The following TMEM132C variants were observed in gnomAD, a reference collection of about 807,000 sequenced individuals.
TMEM132C encodes transmembrane protein 132C, also known as protein phosphatase 1, regulatory subunit 152.
In TMEM132C, 29 loss-of-function variants were observed where a neutral mutation model predicts 61.4. The ratio of observed to expected loss-of-function variants is 0.47; its 90% CI spans 0.35 to 0.64. The LOEUF (loss-of-function observed/expected upper bound fraction) is 0.64. Among genes scored for constraint, TMEM132C ranks in the 30% least tolerant of loss-of-function variants. The pLI is 0.00. For synonymous variants in TMEM132C, 656 were observed against 633.1 expected (o/e 1.04, Z -0.54); for missense variants, 1,408 against 1,476.9 (o/e 0.95, Z 0.76).
At chr12:128,335,732 G>A (rs1006065352) in intron 1 of TMEM132C, among the ~76,000 whole-genome samples, 57 of 152,284 alleles carry the variant, frequency 3.7e-4, no homozygotes, top group African/African-American at 1.4e-3. Flanking sequence ...AGCCCCATGG[G>A]GTAGATACCT....
chr12:128,521,923 C>G (rs577994628), intron 2 of TMEM132C, among the ~76,000 whole-genome samples: 1 of 152,144 alleles, frequency 6.6e-6, no homozygotes, highest in Non-Finnish European at 1.5e-5. Context: ...ACTGCTTGGC[C>G]AGGGAGGTAA....
chr12:128,333,181 A>AGT (rs200162594), intron 1 of TMEM132C, among the ~76,000 whole-genome samples: 2 of 144,802 alleles, frequency 1.4e-5, no homozygotes, highest in African/African-American at 2.6e-5. Context: ...TGTGTGTGGG[A>AGT]GTGTGTGTGT....
At chr12:128,688,585 T>A (rs928179895) in intron 5 of TMEM132C, among the ~76,000 whole-genome samples, 1 of 152,128 alleles carries the variant, frequency 6.6e-6, no homozygotes, top group Non-Finnish European at 1.5e-5. Flanking sequence ...AAAAGAACAA[T>A]GAGTTATAGA....
intron 2 of TMEM132C, among the ~76,000 whole-genome samples, chr12:128,523,813 A>AGGG (rs1872990750): frequency 1.4e-5 from 2 of 144,988 alleles, no homozygotes; most frequent in African/African-American, 2.7e-5. Flanking sequence ...AAGCCCAGGA[A>AGGG]AAAAAAAAAA....
chr12:128,299,163 A>G (rs1871517121), intron 1 of TMEM132C, among the ~76,000 whole-genome samples: 2 of 152,128 alleles, frequency 1.3e-5, no homozygotes, highest in South Asian at 4.2e-4. Flanking sequence ...AAGGTGATAA[A>G]TTTTCTGAAA....
chr12:128,319,401 G>C (rs1872254204), intron 1 of TMEM132C, among the ~76,000 whole-genome samples: 1 of 151,592 alleles, frequency 6.6e-6, no homozygotes, highest in Non-Finnish European at 1.5e-5. Context: ...GTGTGTGTCT[G>C]TCTGTTGGGC....
At chr12:128,564,019 C>T (rs1874614231) in intron 3 of TMEM132C, among the ~76,000 whole-genome samples, 2 of 152,192 alleles carry the variant, frequency 1.3e-5, no homozygotes, top group Admixed American at 1.3e-4. Flanking sequence ...GTTCTGGAGG[C>T]TGTGAAGCCC....
At chr12:128,678,064 A>G (rs554764677) in intron 5 of TMEM132C, among the ~76,000 whole-genome samples, 2 of 152,332 alleles carry the variant, frequency 1.3e-5, no homozygotes, top group East Asian at 3.9e-4. Flanking sequence ...TTCTTTGGCA[A>G]CAGCCCTAAG....
chr12:128,381,750 C>T (rs75217022), intron 1 of TMEM132C, among the ~76,000 whole-genome samples: 20 of 152,272 alleles, frequency 1.3e-4, no homozygotes, highest in East Asian at 5.8e-4. Flanking sequence ...TTGAGGGGGA[C>T]GGCATCTGGC....
At chr12:128,437,445 C>T (rs1052097884) in intron 2 of TMEM132C, among the ~76,000 whole-genome samples, 1 of 152,162 alleles carries the variant, frequency 6.6e-6, no homozygotes, top group African/African-American at 2.4e-5. Flanking sequence ...TCTGTACTTA[C>T]CCAGGATGCC....
intron 1 of TMEM132C, among the ~76,000 whole-genome samples, chr12:128,281,520 C>T (rs1456823750): frequency 3.3e-5 from 5 of 152,150 alleles, no homozygotes; most frequent in Non-Finnish European, 2.9e-5. Context: ...ATCAAATGAC[C>T]TAATGTCTAT....
intron 1 of TMEM132C, among the ~76,000 whole-genome samples, chr12:128,269,204 G>A (rs999768569): frequency 1.3e-5 from 2 of 152,180 alleles, no homozygotes; most frequent in Non-Finnish European, 2.9e-5. Context: ...AAAGCACTTT[G>A]CAGAGGAAGG....
intron 2 of TMEM132C, among the ~76,000 whole-genome samples, chr12:128,464,385 G>C (rs1392805335): frequency 6.6e-6 from 1 of 152,176 alleles, no homozygotes; most frequent in Non-Finnish European, 1.5e-5. Context: ...CAGGTCCCCA[G>C]ACCTTAGCTG....
intron 4 of TMEM132C, among the ~76,000 whole-genome samples, chr12:128,622,360 A>AAATATATAT (rs1277080166): frequency 6.6e-5 from 2 of 30,108 alleles, no homozygotes; most frequent in East Asian, 1.1e-3. Context: ...AAAAAAAAAA[A>AAATATATAT]ATATATATAT....
intron 2 of TMEM132C, among the ~76,000 whole-genome samples, chr12:128,457,414 A>C (rs1303086896): frequency 1.3e-5 from 2 of 151,790 alleles, no homozygotes; most frequent in Non-Finnish European, 2.9e-5. Context: ...TCTACTAAAA[A>C]AAATACAAAA....
At chr12:128,351,370 C>T (rs944942193) in intron 1 of TMEM132C, among the ~76,000 whole-genome samples, 3 of 152,004 alleles carry the variant, frequency 2.0e-5, no homozygotes, top group South Asian at 2.1e-4. Flanking sequence ...TCTAGAGAAA[C>T]GGAACCAATA....
chr12:128,328,064 G>A (rs1189900051), intron 1 of TMEM132C, among the ~76,000 whole-genome samples: 2 of 152,072 alleles, frequency 1.3e-5, no homozygotes, highest in Admixed American at 1.3e-4. Context: ...AAATTTTAGA[G>A]TGCCCTAGCC....
chr12:128,669,135 T>C (rs952655698), intron 4 of TMEM132C, among the ~76,000 whole-genome samples: 2 of 152,212 alleles, frequency 1.3e-5, no homozygotes, highest in Non-Finnish European at 2.9e-5. Flanking sequence ...TTCCACTTGG[T>C]CTCTGCAATA....
intron 1 of TMEM132C, among the ~76,000 whole-genome samples, chr12:128,353,361 G>A (rs1398317904): frequency 6.6e-6 from 1 of 152,140 alleles, no homozygotes; most frequent in Non-Finnish European, 1.5e-5. Context: ...GCAAGATGGC[G>A]CGGGACTTTC....
Sources: allele counts gnomAD v4.1 joint callset (sites outside exome capture counted in the v4.1 genomes callset), GRCh38; gene constraint gnomAD v4.1.1; transcripts MANE v1.5; gene names NCBI Gene and HGNC (gene_info 2026-07-23, HGNC 2026-07-21).